STAU2: variants seen among roughly 807,000 people sequenced by gnomAD.
STAU2 encodes the protein double-stranded RNA-binding protein Staufen homolog 2.
STAU2 carries 20 observed loss-of-function variants against 65.9 expected under a neutral mutation model. That is an observed-to-expected ratio of 0.30 (90% CI 0.21 to 0.44). STAU2 has a LOEUF of 0.44. Ranked by LOEUF, STAU2 falls within the 20% of genes least tolerant of loss-of-function variation. The pLI is 1.00. For synonymous variants in STAU2, 232 were observed against 233.9 expected, an observed-to-expected ratio of 0.99 and a Z score of 0.07; for missense variants, 558 against 683.9, an observed-to-expected ratio of 0.82 and a Z score of 2.05.
chr8:73,638,816 T>C (rs1477383202), intron 6 of STAU2, among the ~76,000 whole-genome samples: 1 of 151,932 alleles, frequency 6.6e-6, no homozygotes, highest in African/African-American at 2.4e-5. Flanking sequence ...AATGATCACA[T>C]GACCTGAGTC....
intron 13 of STAU2, among the ~76,000 whole-genome samples, chr8:73,520,673 A>T (rs760509997): frequency 6.6e-6 from 1 of 152,186 alleles, no homozygotes; most frequent in Non-Finnish European, 1.5e-5. Context: ...TTTGCCCAGG[A>T]CACAAGAAGA....
At chr8:73,668,584 G>C (rs139001898) in intron 6 of STAU2, among the ~76,000 whole-genome samples, 33 of 152,272 alleles carry the variant, frequency 2.2e-4, no homozygotes, top group African/African-American at 7.7e-4. Flanking sequence ...ACAAAAGCAC[G>C]AAGTGTTCTC....
At chr8:73,625,350 C>G (rs1369432738) in intron 6 of STAU2, among the ~76,000 whole-genome samples, 2 of 152,106 alleles carry the variant, frequency 1.3e-5, no homozygotes. Flanking sequence ...TGGTATGTCC[C>G]CACAATGGAG....
At chr8:73,481,375 G>C (rs1186666020) in intron 13 of STAU2, among the ~76,000 whole-genome samples, 2 of 151,996 alleles carry the variant, frequency 1.3e-5, no homozygotes, top group Non-Finnish European at 2.9e-5. Context: ...TGCCTCATCT[G>C]CCTCAGGTTC....
chr8:73,573,015 C>T (rs1040060484), intron 12 of STAU2, among the ~76,000 whole-genome samples: 11 of 152,180 alleles, frequency 7.2e-5, no homozygotes, highest in African/African-American at 2.4e-4. Flanking sequence ...ATTGTCTCAG[C>T]CCAAAATCCC....
At chr8:73,504,792 T>C (rs1821968412) in intron 13 of STAU2, among the ~76,000 whole-genome samples, 2 of 152,126 alleles carry the variant, frequency 1.3e-5, no homozygotes, top group South Asian at 2.1e-4. Context: ...TTTCTCCAAA[T>C]TGGTTTATTC....
intron 13 of STAU2, among the ~76,000 whole-genome samples, chr8:73,431,026 G>A (rs892246165): frequency 6.6e-6 from 1 of 152,168 alleles, no homozygotes; most frequent in Non-Finnish European, 1.5e-5. Flanking sequence ...TTGCTGTGTA[G>A]TAAGTGTAAA....
At chr8:73,604,263 C>A (rs1283228297) in intron 9 of STAU2, among the ~76,000 whole-genome samples, 1 of 152,098 alleles carries the variant, frequency 6.6e-6, no homozygotes, top group South Asian at 2.1e-4. Context: ...GAGTTTCATT[C>A]TGTCGCCCAG....
chr8:73,449,711 C>T (rs1396036392), intron 13 of STAU2, among the ~76,000 whole-genome samples: 1 of 152,186 alleles, frequency 6.6e-6, no homozygotes, highest in African/African-American at 2.4e-5. Flanking sequence ...GATTAAGCTC[C>T]CTCTTGACTA....
At chr8:73,619,571 A>G (rs1373982547) in intron 6 of STAU2, among the ~76,000 whole-genome samples, 1 of 152,236 alleles carries the variant, frequency 6.6e-6, no homozygotes, top group Non-Finnish European at 1.5e-5. Context: ...TAATCAATGA[A>G]GGTTTACTGA....
intron 13 of STAU2, among the ~76,000 whole-genome samples, chr8:73,445,779 A>C (rs1010270209): frequency 6.6e-6 from 1 of 152,240 alleles, no homozygotes; most frequent in African/African-American, 2.4e-5. Context: ...TACTAAGACC[A>C]TATTATACAC....
intron 6 of STAU2, among the ~76,000 whole-genome samples, chr8:73,657,225 G>A (rs1443094162): frequency 6.6e-6 from 1 of 152,220 alleles, no homozygotes; most frequent in East Asian, 1.9e-4. Context: ...ATGTTATGCT[G>A]TATATGTGTG....
chr8:73,484,257 T>C (rs369430046), intron 13 of STAU2, among the ~76,000 whole-genome samples: 107 of 152,284 alleles, frequency 7.0e-4, no homozygotes, highest in African/African-American at 2.4e-3. Context: ...TATGGCAGTA[T>C]GGAAGAAGAC....
chr8:73,708,931 T>C (rs1312094936), intron 4 of STAU2, 101 bp downstream of exon 4: 2 of 1,186,988 alleles, frequency 1.7e-6, no homozygotes, highest in Non-Finnish European at 2.2e-6. Context: ...TCAAGCCATC[T>C]GCTGAACCCC....
In STAU2 at chr8:73,622,010, G is replaced by A. The variant is rs180936838; in HGVS notation, c.411-4559C>T. Among the ~76,000 whole-genome samples, 211 of 148,602 alleles carry A rather than the reference G, an allele frequency of 1.4e-3. 1 individual carries two copies. Among genetic ancestry groups the A allele is most frequent in the African/African-American group, 5.0e-3 (200 of 39,992 alleles). On this transcript the variant is annotated intron_variant, in intron 6 of 14. Transcript: ENST00000524300. ...CTCGCTCTGCTGCCCAGGCTAGAGTGCAGTGGCTAGATCTCGGCTCCCCGC... is the reference window on the plus strand; with the variant it reads ...CTCGCTCTGCTGCCCAGGCTAGAGTACAGTGGCTAGATCTCGGCTCCCCGC...
At chr8:73,709,800 T>A (rs908877641) in intron 3 of STAU2, among the ~76,000 whole-genome samples, 3 of 151,904 alleles carry the variant, frequency 2.0e-5, no homozygotes, top group Non-Finnish European at 4.4e-5. Context: ...AAAAAAAAAA[T>A]AAGTGGTATT....
Position 73,615,688 on chromosome 8 carries a change from G to T in STAU2, c.665C>A (p.Pro222His), listed in dbSNP as rs770785272. The change falls in exon 8 of 15, where the codon CCT becomes CAT. Residue 222 changes from proline to histidine, a missense_variant. Around this residue, in one of 3 missense-constraint regions of STAU2, gnomAD observed 199 missense variants for 299.5 expected, o/e 0.66. Transcript: ENST00000524300. ...CCGAGTACATACCTCAAAACTGACA[G>T]GCATATTTCGCTTCAGAGCAATTTC... Reference protein sequence around the residue: ...VFEIALKRNMPVSFEVIKESG... With the variant: ...VFEIALKRNMHVSFEVIKESG... 6 of 1,613,262 alleles carry T rather than the reference G, an allele frequency of 3.7e-6. No individual in the cohort carries two copies. In the African/African-American group the frequency reaches 8.0e-5, roughly 22 times the overall value.
chr8:73,512,347 C>T (rs933455504), intron 13 of STAU2, among the ~76,000 whole-genome samples: 4 of 152,120 alleles, frequency 2.6e-5, no homozygotes, highest in Non-Finnish European at 5.9e-5. Context: ...AGAGAAAGTG[C>T]GAACTTAACA....
At position 73,709,028 on chromosome 8, in the gene STAU2, T is replaced by C. The variant is rs1437949593; in HGVS notation, c.114+4A>G. ...TGTCTCACCACCTCTCTTCATAACC[T>C]TACCTTTGAATGAGCAGGCCCTCTT... On this transcript the variant is annotated splice_donor_region_variant and intron_variant, in intron 4 of 14. Transcript: ENST00000524300. 9.2e-6 allele frequency: 14 copies of C among 1,520,292 alleles called. No homozygotes were observed. Among genetic ancestry groups the C allele is most frequent in the Non-Finnish European group, 1.2e-5 (14 of 1,139,564 alleles). 94.2% of individuals were successfully genotyped at this position (1,520,292 alleles called of 1,614,324 possible). A position where few individuals can be genotyped will look rare whatever the true frequency, so the allele number is the denominator to read the frequency against.
Sources: gnomAD v4.1 joint callset for allele counts (sites outside exome capture counted in the v4.1 genomes callset) on GRCh38, gnomAD v4.1.1 for gene constraint, gnomAD v4.1.1 regional missense constraint, MANE v1.5 for transcripts, NCBI Gene and HGNC (gene_info 2026-07-23, HGNC 2026-07-21) for gene names.